Variants in PABPC4L observed in about 807,000 individuals in gnomAD.
PABPC4L encodes poly(A) binding protein cytoplasmic 4 like.
For synonymous variants in PABPC4L, 169 were observed against 164.1 expected, an observed-to-expected ratio of 1.03 and a Z score of -0.23; for missense variants, 452 against 451.4, an observed-to-expected ratio of 1.00 and a Z score of -0.01.
chr4:134,164,734 A>G, the PABPC4L span, among the ~76,000 whole-genome samples: 4 of 152,136 alleles, frequency 2.6e-5, no homozygotes, highest in Admixed American at 2.0e-4. Context: ...GATTTCTATC[A>G]AAACATCACC....
the PABPC4L span, among the ~76,000 whole-genome samples, chr4:134,116,875 T>C: frequency 2.6e-5 from 4 of 151,790 alleles, no homozygotes; most frequent in African/African-American, 9.7e-5. Flanking sequence ...ATCAAAATCC[T>C]AACATAAGAA....
the PABPC4L span, among the ~76,000 whole-genome samples, chr4:134,145,673 T>C: frequency 1.3e-5 from 2 of 151,878 alleles, no homozygotes; most frequent in Non-Finnish European, 2.9e-5. Context: ...AATAAAGTTT[T>C]TCATTTGGTC....
At chr4:134,137,527 T>C in the PABPC4L span, among the ~76,000 whole-genome samples, 6 of 151,938 alleles carry the variant, frequency 3.9e-5, no homozygotes, top group East Asian at 1.2e-3. Flanking sequence ...ACGGCATTCT[T>C]AACCTGAATT....
the PABPC4L span, among the ~76,000 whole-genome samples, chr4:134,043,258 A>T: frequency 6.6e-6 from 1 of 152,116 alleles, no homozygotes; most frequent in Admixed American, 6.6e-5. Context: ...CTATTAGTTT[A>T]TTTAGGTCTT....
At chr4:134,081,725 T>TA in the PABPC4L span, among the ~76,000 whole-genome samples, 40 of 151,006 alleles carry the variant, frequency 2.6e-4, no homozygotes, top group African/African-American at 7.8e-4. Context: ...TAGAAAAATG[T>TA]AAAAAAAAGA....
At chr4:134,012,098 C>A in the PABPC4L span, among the ~76,000 whole-genome samples, 6 of 152,118 alleles carry the variant, frequency 3.9e-5, no homozygotes, top group East Asian at 1.2e-3. Flanking sequence ...GTTTGAAATG[C>A]TGGTTTCAAT....
At chr4:134,138,666 AT>A in the PABPC4L span, among the ~76,000 whole-genome samples, 4 of 151,414 alleles carry the variant, frequency 2.6e-5, no homozygotes, top group African/African-American at 7.3e-5. Context: ...TCTAATTTTA[AT>A]TTTTTTTGAA....
At chr4:134,033,037 T>A in the PABPC4L span, among the ~76,000 whole-genome samples, 86 of 136,182 alleles carry the variant, frequency 6.3e-4, 2 homozygotes, top group African/African-American at 2.2e-3. Context: ...TTTTTTTTTT[T>A]AACAAATTGA....
At chr4:133,980,214 C>T in the PABPC4L span, among the ~76,000 whole-genome samples, 1 of 152,228 alleles carries the variant, frequency 6.6e-6, no homozygotes, top group Non-Finnish European at 1.5e-5. Flanking sequence ...AATCATTATT[C>T]TACAGGAACC....
At chr4:134,100,378 C>T in the PABPC4L span, among the ~76,000 whole-genome samples, 1 of 151,566 alleles carries the variant, frequency 6.6e-6, no homozygotes, top group Admixed American at 6.6e-5. Context: ...CTAAACAACA[C>T]ATTACTTGCT....
chr4:134,144,130 T>C, the PABPC4L span, among the ~76,000 whole-genome samples: 1 of 151,652 alleles, frequency 6.6e-6, no homozygotes, highest in African/African-American at 2.4e-5. Flanking sequence ...TTATAGTACC[T>C]TTTTCTTTGT....
the PABPC4L span, among the ~76,000 whole-genome samples, chr4:134,091,679 G>A: frequency 1.8e-4 from 27 of 151,704 alleles, no homozygotes; most frequent in East Asian, 5.2e-3. Flanking sequence ...TAAATACATT[G>A]TCAAGAATAA....
the PABPC4L span, among the ~76,000 whole-genome samples, chr4:133,968,721 T>G: frequency 4.6e-5 from 7 of 152,250 alleles, no homozygotes; most frequent in South Asian, 1.2e-3. Context: ...ATACTCTATA[T>G]GACATAAAGA....
chr4:134,066,657 TATG>T, the PABPC4L span, among the ~76,000 whole-genome samples: 1 of 152,154 alleles, frequency 6.6e-6, no homozygotes, highest in Non-Finnish European at 1.5e-5. Context: ...GCCCGTACAG[TATG>T]ATGTTGGCTG....
the PABPC4L span, among the ~76,000 whole-genome samples, chr4:134,152,962 A>C: frequency 6.6e-6 from 1 of 152,030 alleles, no homozygotes; most frequent in South Asian, 2.1e-4. Context: ...ATGCTAGCTT[A>C]TTTTTAACAA....
chr4:133,963,488 T>C, the PABPC4L span, among the ~76,000 whole-genome samples: 1 of 152,082 alleles, frequency 6.6e-6, no homozygotes, highest in Non-Finnish European at 1.5e-5. Flanking sequence ...TTGGAATGAA[T>C]GGACTTAAGA....
At chr4:134,105,031 T>C in the PABPC4L span, among the ~76,000 whole-genome samples, 2 of 151,736 alleles carry the variant, frequency 1.3e-5, no homozygotes, top group South Asian at 2.1e-4. Context: ...TGTTGACCTC[T>C]TAAAACCACT....
At chr4:134,003,602 A>C in the PABPC4L span, among the ~76,000 whole-genome samples, 1 of 152,098 alleles carries the variant, frequency 6.6e-6, no homozygotes, top group Non-Finnish European at 1.5e-5. Flanking sequence ...ATTAAAAAAT[A>C]ATGATTTCCT....
At chr4:134,109,375 A>T in the PABPC4L span, among the ~76,000 whole-genome samples, 2 of 151,920 alleles carry the variant, frequency 1.3e-5, no homozygotes, top group African/African-American at 4.8e-5. Context: ...AATATTTAGA[A>T]GTATAAATGA....
Sources: allele counts gnomAD v4.1 joint callset (sites outside exome capture counted in the v4.1 genomes callset), GRCh38; gene constraint gnomAD v4.1.1; transcripts MANE v1.5; gene names NCBI Gene and HGNC (gene_info 2026-07-23, HGNC 2026-07-21).